Variants in SGK3 observed in about 807,000 individuals in gnomAD.
SGK3 encodes the protein serine/threonine-protein kinase Sgk3.
A neutral mutation model predicts 68.5 loss-of-function variants in SGK3; 47 were observed. That is an observed-to-expected ratio of 0.69 (90% CI 0.54 to 0.87). The LOEUF is 0.87. SGK3 is among the 40% of genes least tolerant of loss of function. SGK3 has a pLI of 0.00. For missense variants in SGK3, 479 were observed against 575.5 expected, an observed-to-expected ratio of 0.83 and a Z score of 1.72; for synonymous variants, 181 against 189.1, an observed-to-expected ratio of 0.96 and a Z score of 0.35.
intron 8 of SGK3, among the ~76,000 whole-genome samples, chr8:66,832,910 G>A (rs1243345352): frequency 7.0e-6 from 1 of 142,614 alleles, no homozygotes; most frequent in Non-Finnish European, 1.6e-5. Flanking sequence ...TGTTTGTTTT[G>A]TTTTTTTTTT....
chr8:66,746,856 G>C (rs1805668765), intron 1 of SGK3, among the ~76,000 whole-genome samples: 1 of 151,742 alleles, frequency 6.6e-6, no homozygotes, highest in Non-Finnish European at 1.5e-5. Context: ...CCATCATGTG[G>C]GCCTAAAAAA....
At chr8:66,838,423 A>G (rs896442737) in intron 10 of SGK3, among the ~76,000 whole-genome samples, 2 of 152,130 alleles carry the variant, frequency 1.3e-5, no homozygotes, top group African/African-American at 4.8e-5. Flanking sequence ...TAACTGTCTC[A>G]ATGTTACGGT....
At chr8:66,747,284 TTTG>T (rs1420184948) in intron 1 of SGK3, among the ~76,000 whole-genome samples, 5 of 152,106 alleles carry the variant, frequency 3.3e-5, no homozygotes, top group Non-Finnish European at 5.9e-5. Flanking sequence ...TTTTAATGGT[TTTG>T]TTGTTGTTGT....
intron 1 of SGK3, among the ~76,000 whole-genome samples, chr8:66,767,115 G>A (rs1374734705): frequency 6.6e-6 from 1 of 152,208 alleles, no homozygotes; most frequent in East Asian, 1.9e-4. Context: ...ACAGTGCTGG[G>A]ATTACAGGCA....
chr8:66,783,560 C>A (rs955836676), intron 1 of SGK3, among the ~76,000 whole-genome samples: 4 of 152,166 alleles, frequency 2.6e-5, no homozygotes, highest in South Asian at 4.1e-4. Flanking sequence ...CTCTGGCACC[C>A]GGCCTGGAGT....
At chr8:66,743,861 C>T (rs1805551985) in intron 1 of SGK3, among the ~76,000 whole-genome samples, 1 of 152,342 alleles carries the variant, frequency 6.6e-6, no homozygotes, top group Middle Eastern at 3.4e-3. Context: ...CCTGTAGCAG[C>T]CTTGCCATAC....
chr8:66,839,429 T>C (rs1244188717), intron 10 of SGK3, among the ~76,000 whole-genome samples: 1 of 142,536 alleles, frequency 7.0e-6, no homozygotes, highest in East Asian at 2.1e-4. Context: ...ATTCCCAGTT[T>C]TTAATGTTAT....
At chr8:66,814,571 C>T (rs191367524) in intron 5 of SGK3, among the ~76,000 whole-genome samples, 8 of 152,192 alleles carry the variant, frequency 5.3e-5, no homozygotes, top group Admixed American at 2.0e-4. Flanking sequence ...GGAAAGAAGA[C>T]GAGATTGAAG....
intron 1 of SGK3, among the ~76,000 whole-genome samples, chr8:66,739,586 G>T (rs1370582413): frequency 2.6e-5 from 4 of 152,068 alleles, no homozygotes; most frequent in Non-Finnish European, 5.9e-5. Flanking sequence ...AGTAAAGACG[G>T]GGTTTCACCA....
intron 10 of SGK3, among the ~76,000 whole-genome samples, chr8:66,837,870 C>G (rs1396012018): frequency 6.6e-6 from 1 of 152,150 alleles, no homozygotes; most frequent in Non-Finnish European, 1.5e-5. Flanking sequence ...GCAGGTGACC[C>G]CACATTGTTT....
chr8:66,768,470 G>T (rs1806398057), intron 1 of SGK3, among the ~76,000 whole-genome samples: 2 of 148,774 alleles, frequency 1.3e-5, no homozygotes. Context: ...ACATATCTTT[G>T]ATTTTGAAGG....
chr8:66,839,525 A>G (rs1236227096), intron 10 of SGK3, among the ~76,000 whole-genome samples: 4 of 60,492 alleles, frequency 6.6e-5, no homozygotes, highest in South Asian at 1.2e-3. Context: ...ATATATATAT[A>G]TATATATATA....
chr8:66,797,807 T>C (rs975543874), intron 2 of SGK3, among the ~76,000 whole-genome samples: 6 of 152,216 alleles, frequency 3.9e-5, no homozygotes, highest in Admixed American at 1.3e-4. Flanking sequence ...TGGCAACAGT[T>C]GAATCTATCG....
chr8:66,791,318 G>C (rs879419988), intron 1 of SGK3, among the ~76,000 whole-genome samples: 2 of 152,214 alleles, frequency 1.3e-5, no homozygotes, highest in Non-Finnish European at 2.9e-5. Flanking sequence ...GCAGTCCATA[G>C]AGCTCAGACT....
intron 1 of SGK3, among the ~76,000 whole-genome samples, chr8:66,744,506 TATATATATA>T (rs1339713034): frequency 6.2e-5 from 2 of 32,342 alleles, no homozygotes; most frequent in East Asian, 8.7e-4. Context: ...TATATATATA[TATATATATA>T]TATATTTTTT....
At chr8:66,805,558 C>T (rs1021370668) in intron 4 of SGK3, among the ~76,000 whole-genome samples, 3 of 151,578 alleles carry the variant, frequency 2.0e-5, no homozygotes, top group African/African-American at 7.3e-5. Context: ...CATCCTATTG[C>T]TTACCCTTGG....
At chr8:66,757,871 C>T (rs963406148) in intron 1 of SGK3, among the ~76,000 whole-genome samples, 47 of 149,060 alleles carry the variant, frequency 3.2e-4, no homozygotes, top group Middle Eastern at 3.4e-3. Flanking sequence ...GCTGAGATCA[C>T]GCCACTGCAC....
chr8:66,728,565 G>T (rs1304164001), intron 1 of SGK3, among the ~76,000 whole-genome samples: 1 of 152,090 alleles, frequency 6.6e-6, no homozygotes, highest in East Asian at 1.9e-4. Flanking sequence ...GACCTCAGAT[G>T]ATCCGTCCAC....
intron 1 of SGK3, among the ~76,000 whole-genome samples, chr8:66,755,241 A>G (rs1172661551): frequency 6.7e-6 from 1 of 148,884 alleles, no homozygotes; most frequent in African/African-American, 2.5e-5. Flanking sequence ...TCCGGGGGAC[A>G]GAGTGAGACT....
Sources: gnomAD v4.1 joint callset for allele counts (sites outside exome capture counted in the v4.1 genomes callset) on GRCh38, gnomAD v4.1.1 for gene constraint, MANE v1.5 for transcripts, NCBI Gene and HGNC (gene_info 2026-07-23, HGNC 2026-07-21) for gene names.